The following GPR158 variants were observed in gnomAD, a reference collection of about 807,000 sequenced individuals.
GPR158 encodes G protein-coupled receptor 158.
GPR158 carries 30 observed loss-of-function variants against 78.2 expected under a neutral mutation model. The ratio of observed to expected loss-of-function variants is 0.38; its 90% CI spans 0.29 to 0.52. GPR158 has a LOEUF of 0.52. GPR158 is among the 20% of genes least tolerant of loss of function. GPR158 has a pLI of 0.83. For missense variants in GPR158, 1,463 were observed against 1,523.5 expected, an observed-to-expected ratio of 0.96 and a Z score of 0.66; for synonymous variants, 581 against 591.1, an observed-to-expected ratio of 0.98 and a Z score of 0.25.
intron 4 of GPR158, among the ~76,000 whole-genome samples, chr10:25,443,554 CAA>C (rs67094533): frequency 0.15 from 15,693 of 107,040 alleles, 1,598 homozygotes; most frequent in African/African-American, 0.22. Flanking sequence ...GAGACTGTTT[CAA>C]AAAAAAAAAA....
At chr10:25,510,312 TAAA>T (rs1241699640) in intron 5 of GPR158, among the ~76,000 whole-genome samples, 1 of 152,078 alleles carries the variant, frequency 6.6e-6, no homozygotes, top group Non-Finnish European at 1.5e-5. Context: ...CAAAGAAAAA[TAAA>T]AAAGTATATA....
intron 5 of GPR158, among the ~76,000 whole-genome samples, chr10:25,542,963 A>T (rs1836608188): frequency 6.6e-6 from 1 of 152,136 alleles, no homozygotes; most frequent in African/African-American, 2.4e-5. Flanking sequence ...AGACTTCAAA[A>T]CATGCTAACA....
At chr10:25,351,161 C>G (rs1419464508) in intron 2 of GPR158, among the ~76,000 whole-genome samples, 1 of 151,956 alleles carries the variant, frequency 6.6e-6, no homozygotes, top group Non-Finnish European at 1.5e-5. Flanking sequence ...AACTCTCAAC[C>G]TTTCCTAATA....
chr10:25,594,260 TG>T, intron 8 of GPR158, 31 bp from the exon 9 acceptor site: 1 of 1,030,462 alleles, frequency 9.7e-7, no homozygotes. Context: ...ATCTTAATCT[TG>T]GATTGTTAAC....
intron 5 of GPR158, among the ~76,000 whole-genome samples, chr10:25,543,475 G>C (rs556850998): frequency 6.6e-6 from 1 of 152,240 alleles, no homozygotes; most frequent in African/African-American, 2.4e-5. Context: ...AAGATCATTT[G>C]ATTGAATTTT....
intron 2 of GPR158, among the ~76,000 whole-genome samples, chr10:25,310,494 A>G (rs1001591038): frequency 5.3e-5 from 8 of 152,194 alleles, no homozygotes; most frequent in African/African-American, 1.2e-4. Flanking sequence ...TATTGACATT[A>G]TAGTATTAAG....
chr10:25,297,513 G>GTT (rs111883053), intron 2 of GPR158, among the ~76,000 whole-genome samples: 4 of 152,000 alleles, frequency 2.6e-5, no homozygotes, highest in Non-Finnish European at 2.9e-5. Context: ...AAGCATAAAC[G>GTT]TTTTTTTTAC....
intron 5 of GPR158, among the ~76,000 whole-genome samples, chr10:25,485,342 T>C (rs1457130429): frequency 6.6e-6 from 1 of 151,800 alleles, no homozygotes; most frequent in Non-Finnish European, 1.5e-5. Flanking sequence ...AGTAGATATT[T>C]AAAGAAAATA....
rs555508671 is a variant in GPR158, at chr10:25,222,202, C to A, written c.1008+1045C>A. Reference sequence around the variant, plus strand: ...ACTCCTGCCACACACAACCCACATACCCCTGTACTCCCACACTCCCAACTA... The same window carrying A: ...ACTCCTGCCACACACAACCCACATAACCCTGTACTCCCACACTCCCAACTA... On this transcript the variant is annotated intron_variant, in intron 2 of 10. Coordinates refer to ENST00000376351, the MANE Select transcript of GPR158 (RefSeq NM_020752.3). 2.6e-5 allele frequency among the ~76,000 whole-genome samples: 4 copies of A among 152,144 alleles called. No individual in the cohort carries two copies. The East Asian group carries it at 7.7e-4, about 29-fold the overall frequency.
chr10:25,429,956 AG>A (rs1834877828), intron 4 of GPR158, among the ~76,000 whole-genome samples: 1 of 138,214 alleles, frequency 7.2e-6, no homozygotes, highest in Non-Finnish European at 1.6e-5. Context: ...GGCACAAGAC[AG>A]GGATGCCCTC....
chr10:25,452,884 T>C (rs1001193114), intron 4 of GPR158, among the ~76,000 whole-genome samples: 2 of 152,142 alleles, frequency 1.3e-5, no homozygotes, highest in African/African-American at 4.8e-5. Flanking sequence ...ATCTCCCCAC[T>C]TCCCCTGCCC....
At chr10:25,277,369 A>AAAACTACT (rs1228838634) in intron 2 of GPR158, among the ~76,000 whole-genome samples, 1 of 152,168 alleles carries the variant, frequency 6.6e-6, no homozygotes, top group Non-Finnish European at 1.5e-5. Context: ...AATGAATACA[A>AAAACTACT]AAACTACTAG....
At chr10:25,301,239 A>T (rs1854590061) in intron 2 of GPR158, among the ~76,000 whole-genome samples, 1 of 152,182 alleles carries the variant, frequency 6.6e-6, no homozygotes, top group Non-Finnish European at 1.5e-5. Flanking sequence ...CAACGAATAG[A>T]CTGCCACAGC....
At chr10:25,249,628 A>T (rs906624533) in intron 2 of GPR158, among the ~76,000 whole-genome samples, 30 of 151,246 alleles carry the variant, frequency 2.0e-4, no homozygotes, top group Non-Finnish European at 7.4e-5. Context: ...TGATTTGCGT[A>T]TATTGAACCA....
chr10:25,402,488 G>A (rs1275053882), intron 3 of GPR158, among the ~76,000 whole-genome samples: 1 of 152,102 alleles, frequency 6.6e-6, no homozygotes, highest in Non-Finnish European at 1.5e-5. Flanking sequence ...TAACTGTAAT[G>A]TGGTTTTGTG....
At chr10:25,423,446 G>A (rs985489288) in intron 4 of GPR158, among the ~76,000 whole-genome samples, 2 of 150,628 alleles carry the variant, frequency 1.3e-5, no homozygotes, top group African/African-American at 4.9e-5. Context: ...GTGCAGGTTT[G>A]TTACATCTGT....
At chr10:25,367,805 G>A (rs932510887) in intron 2 of GPR158, among the ~76,000 whole-genome samples, 9 of 151,718 alleles carry the variant, frequency 5.9e-5, no homozygotes, top group Non-Finnish European at 1.0e-4. Context: ...AATGGTTTTT[G>A]CCTTAAGATC....
intron 6 of GPR158, among the ~76,000 whole-genome samples, chr10:25,554,881 TCA>T (rs1335644741): frequency 6.6e-6 from 1 of 152,164 alleles, no homozygotes; most frequent in Non-Finnish European, 1.5e-5. Flanking sequence ...CCTTAAATTC[TCA>T]CAGACATTTG....
chr10:25,597,709 G>A (rs956548317), intron 10 of GPR158, 63 bp from the exon 11 acceptor site: 4 of 1,327,380 alleles, frequency 3.0e-6, no homozygotes, highest in East Asian at 2.4e-5. Flanking sequence ...ATACCATGTA[G>A]TGATCTTCTA....
Sources: gnomAD v4.1 joint callset for allele counts (sites outside exome capture counted in the v4.1 genomes callset) on GRCh38, gnomAD v4.1.1 for gene constraint, MANE v1.5 for transcripts, NCBI Gene and HGNC (gene_info 2026-07-23, HGNC 2026-07-21) for gene names.